The following CCDC148 variants were observed in gnomAD, a reference collection of about 807,000 sequenced individuals.
CCDC148 encodes coiled-coil domain-containing protein 148.
CCDC148 carries 89 observed loss-of-function variants against 85.7 expected under a neutral mutation model. The ratio of observed to expected loss-of-function variants is 1.04; its 90% CI spans 0.87 to 1.24. The LOEUF (loss-of-function observed/expected upper bound fraction) is 1.24. Ranked by LOEUF, CCDC148 falls within the 50% of genes most tolerant of loss-of-function variation. The pLI, the probability that CCDC148 is intolerant of heterozygous loss-of-function variation, is 0.00. For synonymous variants in CCDC148, 230 were observed against 213.9 expected, an observed-to-expected ratio of 1.08 and a Z score of -0.66; for missense variants, 692 against 671.7, an observed-to-expected ratio of 1.03 and a Z score of -0.33.
At position 158,358,482 on chromosome 2, in the gene CCDC148, T is replaced by G. The variant is rs758945687; in HGVS notation, c.114A>C (p.Ala38=). ...TTGCAGAGGCAGAAGCCAATTTCTTTGCTTCAGTTAATGCACGCAATTGTT... is the reference window on the plus strand; with the variant it reads ...TTGCAGAGGCAGAAGCCAATTTCTTGGCTTCAGTTAATGCACGCAATTGTT... ...DYQQLRALTE[A]KKLASASAKL... Residue 38 remains alanine, a synonymous_variant, in exon 2 of 14, where the codon GCA becomes GCC. Transcript: ENST00000283233. The G allele has an allele frequency of 6.2e-7, 1 of 1,607,964 alleles. No individual in the cohort carries two copies.
rs142792616 is a variant in CCDC148, at chr2:158,368,826, G to C, written c.26-10256C>G. On this transcript the variant is annotated intron_variant, in intron 1 of 13. Coordinates refer to ENST00000283233, the MANE Select transcript of CCDC148 (RefSeq NM_138803.4). ...TCTATTTATGACCAGTCTCTACAGG[G>C]AAAAATCAGGACTTCTTTAGAGATG... Among the ~76,000 whole-genome samples the C allele has an allele frequency of 1.1e-3, 173 of 151,900 alleles. 3 individuals are homozygous for C. The East Asian group carries it at 0.03, about 26-fold the overall frequency.
chr2:158,202,809 AC>A (rs58903669), intron 11 of CCDC148, among the ~76,000 whole-genome samples: 2,311 of 152,326 alleles, frequency 0.015, 60 homozygotes, highest in African/African-American at 0.048. Context: ...TGCAGGCAAT[AC>A]AAAAAACAGG....
intron 9 of CCDC148, among the ~76,000 whole-genome samples, chr2:158,292,743 T>C (rs957960328): frequency 6.6e-6 from 1 of 152,198 alleles, no homozygotes. Context: ...ATGCAATCTA[T>C]AGGGATTGCC....
rs563929879 is a variant in CCDC148, at chr2:158,172,806, T to A, written c.1630-547A>T. On this transcript the variant is annotated intron_variant, in intron 13 of 13. Coordinates refer to ENST00000283233, the MANE Select transcript of CCDC148 (RefSeq NM_138803.4). Reference sequence around the variant, plus strand: ...CTGATTCTAAGTGGAAGTAGACATATGAGTAGTTCAACTTCTGTTTTCATT... The same window carrying A: ...CTGATTCTAAGTGGAAGTAGACATAAGAGTAGTTCAACTTCTGTTTTCATT... 3.3e-5 allele frequency among the ~76,000 whole-genome samples: 5 copies of A among 152,206 alleles called. No individual in the cohort carries two copies. In the South Asian group the frequency reaches 1.0e-3, roughly 32 times the overall value.
intron 1 of CCDC148, among the ~76,000 whole-genome samples, chr2:158,419,468 T>C (rs1319229124): frequency 6.6e-6 from 1 of 152,150 alleles, no homozygotes; most frequent in Admixed American, 6.6e-5. Context: ...AGGGTATATA[T>C]TGGTTTTGGT....
chr2:158,365,800 T>C (rs1684174090), intron 1 of CCDC148, among the ~76,000 whole-genome samples: 1 of 151,840 alleles, frequency 6.6e-6, no homozygotes, highest in Admixed American at 6.6e-5. Flanking sequence ...GAACTTAAAG[T>C]ATAATAAAAA....
chr2:158,295,177 G>C (rs1691119028), intron 9 of CCDC148, among the ~76,000 whole-genome samples: 1 of 152,106 alleles, frequency 6.6e-6, no homozygotes, highest in African/African-American at 2.4e-5. Flanking sequence ...AAACCAGGAA[G>C]AAGTTGAATC....
chr2:158,252,266 T>C (rs898148882), intron 9 of CCDC148, among the ~76,000 whole-genome samples: 4 of 151,766 alleles, frequency 2.6e-5, no homozygotes, highest in Admixed American at 6.6e-5. Flanking sequence ...ATATTTGCCT[T>C]GTTTATCAAA....
intron 1 of CCDC148, among the ~76,000 whole-genome samples, chr2:158,407,365 G>T (rs1023786574): frequency 6.6e-5 from 10 of 152,090 alleles, no homozygotes; most frequent in African/African-American, 2.4e-4. Context: ...TGAATTGCAT[G>T]ATCAGGAGTC....
chr2:158,375,587 C>T (rs912562343), intron 1 of CCDC148, among the ~76,000 whole-genome samples: 1 of 152,056 alleles, frequency 6.6e-6, no homozygotes, highest in Non-Finnish European at 1.5e-5. Context: ...TACTAATATT[C>T]ATTCTACTTT....
chr2:158,348,512 C>A (rs977496577), intron 2 of CCDC148, among the ~76,000 whole-genome samples: 7 of 151,364 alleles, frequency 4.6e-5, no homozygotes, highest in Non-Finnish European at 7.4e-5. Context: ...ATTTTTGAGA[C>A]AATCAGGGAA....
chr2:158,345,374 C>A, intron 2 of CCDC148, 56 bp from the exon 3 acceptor site: 2 of 1,225,292 alleles, frequency 1.6e-6, no homozygotes, highest in East Asian at 2.4e-5. Flanking sequence ...ATGTGTTTTT[C>A]ACAACAGAAA....
At chr2:158,286,429 T>C (rs1364457104) in intron 9 of CCDC148, among the ~76,000 whole-genome samples, 1 of 152,264 alleles carries the variant, frequency 6.6e-6, no homozygotes, top group Non-Finnish European at 1.5e-5. Flanking sequence ...AAGCTCTCCA[T>C]TCTTGCCAAA....
intron 1 of CCDC148, among the ~76,000 whole-genome samples, chr2:158,435,598 T>C (rs1687607959): frequency 6.6e-6 from 1 of 152,152 alleles, no homozygotes; most frequent in Non-Finnish European, 1.5e-5. Flanking sequence ...GCTAACATCA[T>C]AATGACAGGA....
chr2:158,448,304 CTTTT>C lies in CCDC148; in HGVS notation c.25+8107_25+8110del, dbSNP rs369550965. On this transcript the variant is annotated intron_variant, in intron 1 of 13. Coordinates refer to ENST00000283233, the MANE Select transcript of CCDC148 (RefSeq NM_138803.4). ...AAATTAGTATTGTAATAACTCTTAC[CTTTT>C]TTTTACAAGATTGTTTTTGATATGT... Among the ~76,000 whole-genome samples, 6 of 151,544 alleles carry C rather than the reference CTTTT, an allele frequency of 4.0e-5. No individual in the cohort carries two copies. In the East Asian group the frequency reaches 1.2e-3, roughly 29 times the overall value.
chr2:158,350,600 G>T (rs942833019), intron 2 of CCDC148, among the ~76,000 whole-genome samples: 3 of 152,124 alleles, frequency 2.0e-5, no homozygotes, highest in African/African-American at 7.2e-5. Flanking sequence ...AACATGAAAA[G>T]TATCTATGCT....
chr2:158,226,149 A>C (rs191676132), intron 10 of CCDC148, among the ~76,000 whole-genome samples: 2 of 152,346 alleles, frequency 1.3e-5, no homozygotes, highest in Admixed American at 6.5e-5. Context: ...CAGAAATACA[A>C]ACTACCATCA....
At chr2:158,331,233 C>G (rs1451858211) in intron 7 of CCDC148, among the ~76,000 whole-genome samples, 1 of 152,194 alleles carries the variant, frequency 6.6e-6, no homozygotes, top group Non-Finnish European at 1.5e-5. Context: ...TTTCAAAGAA[C>G]ACCTTTATGT....
At chr2:158,299,426 T>G (rs939246964) in intron 9 of CCDC148, among the ~76,000 whole-genome samples, 8 of 152,228 alleles carry the variant, frequency 5.3e-5, no homozygotes, top group African/African-American at 1.4e-4. Context: ...GTATTTGCCT[T>G]TGCAGCCCAA....
Sources: gnomAD v4.1 joint callset for allele counts (sites outside exome capture counted in the v4.1 genomes callset) on GRCh38, gnomAD v4.1.1 for gene constraint, MANE v1.5 for transcripts, NCBI Gene and HGNC (gene_info 2026-07-23, HGNC 2026-07-21) for gene names.